DLST: variants seen among roughly 807,000 people sequenced by gnomAD.
DLST encodes the protein dihydrolipoamide S-succinyltransferase, also known as dihydrolipoyllysine-residue succinyltransferase component of 2-oxoglutarate dehydrogenase complex, mitochondrial.
A neutral mutation model predicts 53.1 loss-of-function variants in DLST; 17 were observed. The observed-to-expected ratio is 0.32, with a 90% CI of 0.22 to 0.48. DLST has a LOEUF of 0.48. Among genes scored for constraint, DLST ranks in the 20% least tolerant of loss-of-function variants. The pLI is 0.99. For synonymous variants in DLST, 206 were observed against 204.8 expected, an observed-to-expected ratio of 1.01 and a Z score of -0.05; for missense variants, 512 against 583.9, an observed-to-expected ratio of 0.88 and a Z score of 1.27.
chr14:74,882,271 C>G (rs370923508), intron 1 of DLST, among the ~76,000 whole-genome samples: 1 of 152,226 alleles, frequency 6.6e-6, no homozygotes, highest in Non-Finnish European at 1.5e-5. Context: ...CGCGCGGGAG[C>G]TGGGGAGCCG....
chr14:74,896,500 G>A (rs1229233858), intron 10 of DLST, among the ~76,000 whole-genome samples: 1 of 152,186 alleles, frequency 6.6e-6, no homozygotes, highest in East Asian at 1.9e-4. Context: ...TTTGGAAAGG[G>A]TTTGAAAAAT....
At chr14:74,901,961 A>T (rs905693514) in intron 14 of DLST, among the ~76,000 whole-genome samples, 1 of 152,152 alleles carries the variant, frequency 6.6e-6, no homozygotes, top group Admixed American at 6.5e-5. Flanking sequence ...GTATGTTTTT[A>T]AAAAATAAAA....
At chr14:74,896,282 T>C (rs1884076415) in intron 10 of DLST, among the ~76,000 whole-genome samples, 2 of 152,178 alleles carry the variant, frequency 1.3e-5, no homozygotes, top group Admixed American at 1.3e-4. Context: ...ATTTGAGAAA[T>C]TGTCAAAAAT....
intron 8 of DLST, 89 bp downstream of exon 8, chr14:74,893,075 T>C: frequency 1.4e-6 from 2 of 1,455,162 alleles, no homozygotes; most frequent in Non-Finnish European, 1.8e-6. Flanking sequence ...ATGATGGTTC[T>C]GAACAGGCCA....
At chr14:74,885,904 T>C (rs1261260352) in intron 3 of DLST, 1 of 379,704 alleles carries the variant, frequency 2.6e-6, no homozygotes, top group Non-Finnish European at 4.7e-6. Context: ...CCTCTTTTTA[T>C]GGGATATAGA....
Position 74,892,940 on chromosome 14 carries a change from G to C in DLST, c.549G>C (p.Gln183His), listed in dbSNP as rs2140195323. 6.2e-7 allele frequency: 1 copy of C among 1,614,092 alleles called. No homozygotes were observed. The highest frequency in any genetic ancestry group is 2.2e-5 in the East Asian group (1 of 44,892). ...VPPPAAPIPTQMPPVPSPSQP... is the reference protein window; with the variant it reads ...VPPPAAPIPTHMPPVPSPSQP... ...CCCCTGCAGCACCCATACCCACTCA[G>C]ATGCCACCGGTGCCCTCGCCCTCAC... Residue 183 changes from glutamine (Q) to histidine (H), a missense_variant, in exon 8 of 15, where the codon CAG becomes CAC. Physicochemically the swap from Gln to His is conservative, Grantham distance 24. This residue lies in a region of DLST where 162 missense variants were observed against 162.0 expected (regional missense o/e 1.00). Coordinates refer to ENST00000334220, the MANE Select transcript of DLST (RefSeq NM_001933.5).
At chr14:74,896,341 G>A (rs932798191) in intron 10 of DLST, among the ~76,000 whole-genome samples, 2 of 152,158 alleles carry the variant, frequency 1.3e-5, no homozygotes, top group Admixed American at 6.5e-5. Context: ...AAAGAAGGTT[G>A]GATCCTTATT....
chr14:74,892,724 C>A (rs1883951151), intron 7 of DLST, 110 bp from the exon 8 acceptor site: 1 of 1,065,526 alleles, frequency 9.4e-7, no homozygotes, highest in Non-Finnish European at 1.4e-6. Context: ...TTGCTGATAC[C>A]CAGTAGACAT....
Position 74,882,732 on chromosome 14 carries a change from T to G in DLST, c.97+108T>G. The G allele has an allele frequency of 3.9e-6, 4 of 1,026,736 alleles. 1 individual carries two copies. The South Asian group carries it at 5.4e-5, about 14-fold the overall frequency. 63.6% of individuals were successfully genotyped at this position (1,026,736 alleles called of 1,614,324 possible). A position where few individuals can be genotyped will look rare whatever the true frequency, so the allele number is the denominator to read the frequency against. On this transcript the variant is annotated intron_variant, in intron 2 of 14. Transcript: ENST00000334220. ...CTCATAATATTTAAAGACAGTTTGG[T>G]TCAGAGAGTAGTGAGACGCAATGCT...
At chr14:74,896,575 T>C (rs1487177740) in intron 10 of DLST, among the ~76,000 whole-genome samples, 3 of 152,254 alleles carry the variant, frequency 2.0e-5, no homozygotes, top group Admixed American at 2.0e-4. Flanking sequence ...CTCTGTGACC[T>C]GTTTTACTAG....
chr14:74,889,842 C>A, intron 5 of DLST, 55 bp from the exon 6 acceptor site: 1 of 1,591,640 alleles, frequency 6.3e-7, no homozygotes, highest in Non-Finnish European at 8.6e-7. Flanking sequence ...GGTTTTGTGG[C>A]TACTGGAGGC....
chr14:74,894,405 A>G lies in DLST; in HGVS notation c.766A>G (p.Met256Val), dbSNP rs367789450. The G allele has an allele frequency of 6.2e-6, 10 of 1,614,030 alleles. No homozygotes were observed. The East Asian group carries it at 6.7e-5, about 11-fold the overall frequency. Residue 256 changes from methionine (M) to valine (V), a missense_variant, in exon 10 of 15, where the codon ATG becomes GTG. Physicochemically the swap from Met to Val is conservative, Grantham distance 21. This residue lies in a region of DLST where 186 missense variants were observed against 260.4 expected (regional missense o/e 0.71). Coordinates refer to ENST00000334220, the MANE Select transcript of DLST (RefSeq NM_001933.5). ...GCTGACAACTTTTAATGAGATTGAC[A>G]TGAGGTAGTGTCTCTAGTCCCTCTT... is the stretch of plus-strand genomic sequence containing the variant. ...AMLTTFNEID[M>V]SNIQEMRARH...
intron 7 of DLST, chr14:74,891,488 A>G (rs1883905925): frequency 3.0e-6 from 3 of 1,010,808 alleles, no homozygotes; most frequent in Non-Finnish European, 2.4e-6. Context: ...GAAATGCTCC[A>G]AAACTGAAAA....
intron 1 of DLST, 144 bp downstream of exon 1, chr14:74,882,160 C>G (rs766339443): frequency 2.6e-4 from 187 of 705,820 alleles, no homozygotes; most frequent in Non-Finnish European, 3.5e-4. Flanking sequence ...GCTGGGCGGC[C>G]CGGGGCCGTG....
intron 1 of DLST, 71 bp downstream of exon 1, chr14:74,882,087 G>T: frequency 7.4e-7 from 1 of 1,350,506 alleles, no homozygotes; most frequent in Non-Finnish European, 9.6e-7. Context: ...GGCCTGGAAG[G>T]CAGGGGCGCG....
intron 3 of DLST, among the ~76,000 whole-genome samples, chr14:74,886,293 G>A (rs1332215617): frequency 1.3e-5 from 2 of 152,224 alleles, no homozygotes; most frequent in Non-Finnish European, 2.9e-5. Context: ...GTCAGCGGAT[G>A]AGCTTCTTAC....
chr14:74,885,763 C>G (rs1883682109), intron 3 of DLST, 129 bp downstream of exon 3: 2 of 811,804 alleles, frequency 2.5e-6, no homozygotes, highest in East Asian at 5.2e-5. Flanking sequence ...TATGTTGAGT[C>G]CCTAGACTAA....
At chr14:74,889,667 G>A in intron 5 of DLST, 2 of 562,488 alleles carry the variant, frequency 3.6e-6, no homozygotes, top group Non-Finnish European at 6.2e-6. Context: ...GCCACTGCGT[G>A]AGCCACTGCG....
At chr14:74,882,762 A>T (rs1883571368) in intron 2 of DLST, 138 bp downstream of exon 2, 6 of 763,028 alleles carry the variant, frequency 7.9e-6, no homozygotes, top group Middle Eastern at 2.5e-4. Context: ...AATGCTACAT[A>T]ATCACGAGCT....
Sources: allele counts gnomAD v4.1 joint callset (sites outside exome capture counted in the v4.1 genomes callset), GRCh38; gene constraint gnomAD v4.1.1; regional missense constraint gnomAD v4.1.1; transcripts MANE v1.5; gene names NCBI Gene and HGNC (gene_info 2026-07-23, HGNC 2026-07-21).